SPNS3: variants seen among roughly 807,000 people sequenced by gnomAD.
SPNS3 encodes the protein protein spinster homolog 3.
SPNS3 carries 51 observed loss-of-function variants against 54.4 expected under a neutral mutation model. That is an observed-to-expected ratio of 0.94 (90% CI 0.75 to 1.18). SPNS3 has a LOEUF of 1.18. SPNS3 is among the 50% of genes most tolerant of loss of function. SPNS3 has a pLI of 0.00. For missense variants in SPNS3, 669 were observed against 677.4 expected, an observed-to-expected ratio of 0.99 and a Z score of 0.14; for synonymous variants, 309 against 294.7, an observed-to-expected ratio of 1.05 and a Z score of -0.50.
Position 4,485,784 on chromosome 17 carries a change from G to T in SPNS3, c.1180-444G>T, listed in dbSNP as rs1203750340. Reference sequence around the variant, plus strand: ...GCCGCCTTTGGTCTCTGCCCCAGGGGCCTTGAGGTTCCTGAGAGGACTGAG... The same window carrying T: ...GCCGCCTTTGGTCTCTGCCCCAGGGTCCTTGAGGTTCCTGAGAGGACTGAG... On this transcript the variant is annotated intron_variant, in intron 9 of 11. Coordinates refer to ENST00000355530, the MANE Select transcript of SPNS3 (RefSeq NM_182538.5). Among the ~76,000 whole-genome samples, 6 of 152,204 alleles carry T rather than the reference G, an allele frequency of 3.9e-5. No homozygotes were observed. The East Asian group carries it at 1.2e-3, about 29-fold the overall frequency.
At chr17:4,447,019 C>A in intron 5 of SPNS3, 57 bp downstream of exon 5, 1 of 1,599,914 alleles carries the variant, frequency 6.3e-7, no homozygotes, top group Non-Finnish European at 8.6e-7. Flanking sequence ...CAGGGACTTT[C>A]CAGCCTTGGG....
intron 1 of SPNS3, among the ~76,000 whole-genome samples, chr17:4,434,655 T>TGC (rs1970668612): frequency 6.7e-6 from 1 of 148,190 alleles, no homozygotes; most frequent in Non-Finnish European, 1.5e-5. Flanking sequence ...CACCACCACA[T>TGC]CCGGCTAATT....
At chr17:4,435,172 C>T (rs774757030) in intron 1 of SPNS3, among the ~76,000 whole-genome samples, 192 of 152,066 alleles carry the variant, frequency 1.3e-3, no homozygotes, top group Non-Finnish European at 2.3e-3. Flanking sequence ...CCTGTAATCC[C>T]AGCACTGTGG....
intron 9 of SPNS3, among the ~76,000 whole-genome samples, chr17:4,480,459 C>T (rs1410828838): frequency 2.0e-5 from 3 of 152,236 alleles, no homozygotes; most frequent in Non-Finnish European, 4.4e-5. Flanking sequence ...ATAGCTGGTT[C>T]TCTCTGAGGT....
intron 8 of SPNS3, among the ~76,000 whole-genome samples, chr17:4,473,198 C>T (rs575908278): frequency 4.7e-4 from 72 of 152,154 alleles, no homozygotes; most frequent in Middle Eastern, 3.4e-3. Context: ...AAGTCTGTGA[C>T]GCAACTTTCA....
At chr17:4,478,698 G>A in intron 9 of SPNS3, 61 bp downstream of exon 9, 1 of 1,516,638 alleles carries the variant, frequency 6.6e-7, no homozygotes, top group Non-Finnish European at 9.0e-7. Flanking sequence ...TTGGGCCTCT[G>A]CTGCTGAGCA....
At chr17:4,451,273 G>A (rs914146725) in intron 7 of SPNS3, among the ~76,000 whole-genome samples, 1 of 147,666 alleles carries the variant, frequency 6.8e-6, no homozygotes, top group African/African-American at 2.5e-5. Context: ...TTCCATTTGA[G>A]ACAGAGTCTT....
chr17:4,465,082 G>C (rs533566243), intron 8 of SPNS3, among the ~76,000 whole-genome samples: 15 of 152,358 alleles, frequency 9.8e-5, no homozygotes, highest in African/African-American at 3.6e-4. Flanking sequence ...CCAGGCTTGA[G>C]AGCAAGAGGG....
At chr17:4,484,692 C>G (rs542428846) in intron 9 of SPNS3, among the ~76,000 whole-genome samples, 4 of 152,056 alleles carry the variant, frequency 2.6e-5, no homozygotes, top group Admixed American at 2.6e-4. Flanking sequence ...GGTGTAAGCG[C>G]CCCTGTGGCT....
At position 4,453,117 on chromosome 17, in the gene SPNS3, C is replaced by T; in HGVS notation, c.1025C>T (p.Pro342Leu). 6.2e-7 allele frequency: 1 copy of T among 1,614,050 alleles called. No homozygotes were observed. Among genetic ancestry groups the T allele is most frequent in the Non-Finnish European group, 8.5e-7 (1 of 1,180,012 alleles). The change falls in exon 8 of 12, where the codon CCC becomes CTC. Residue 342 changes from proline (P) to leucine (L), a missense_variant. Pro to Leu is a moderately conservative substitution (Grantham distance 98). Transcript: ENST00000355530. Reference protein sequence around the residue: ...RYKKVIPGAEPLICASSLLAT... With the variant: ...RYKKVIPGAELLICASSLLAT... ...AAGAAAGTCATTCCAGGAGCTGAGC[C>T]CCTCATCTGCGCCTCCAGCCTGCTT...
At chr17:4,458,962 T>A (rs1971421696) in intron 8 of SPNS3, among the ~76,000 whole-genome samples, 2 of 152,102 alleles carry the variant, frequency 1.3e-5, no homozygotes, top group African/African-American at 4.8e-5. Context: ...GGAGCCTTAT[T>A]CCTCCACTGA....
intron 3 of SPNS3, 64 bp downstream of exon 3, chr17:4,445,232 C>G: frequency 1.3e-6 from 2 of 1,517,312 alleles, no homozygotes; most frequent in South Asian, 1.2e-5. Flanking sequence ...CTCCCTGATT[C>G]AGCCCCGTCA....
intron 8 of SPNS3, among the ~76,000 whole-genome samples, chr17:4,473,342 T>C (rs1420905764): frequency 6.6e-6 from 1 of 151,264 alleles, no homozygotes; most frequent in Non-Finnish European, 1.5e-5. Context: ...AGAGCCAGCA[T>C]GGCTGTCACT....
At chr17:4,439,166 C>T (rs868717140) in intron 1 of SPNS3, among the ~76,000 whole-genome samples, 8 of 151,926 alleles carry the variant, frequency 5.3e-5, no homozygotes, top group Middle Eastern at 3.4e-3. Flanking sequence ...TCTTGTTGCC[C>T]AGGCTGGAGT....
intron 8 of SPNS3, among the ~76,000 whole-genome samples, chr17:4,458,425 T>A (rs1971374417): frequency 7.3e-6 from 1 of 137,592 alleles, no homozygotes; most frequent in Non-Finnish European, 1.6e-5. Flanking sequence ...TTTTCTTCTT[T>A]CTTTCCTTCC....
Position 4,446,138 on chromosome 17 carries a change from T to C in SPNS3, c.493T>C (p.Phe165Leu), listed in dbSNP as rs1970980967. 4 of 1,613,600 alleles carry C rather than the reference T, an allele frequency of 2.5e-6. No homozygotes were observed. The highest frequency in any genetic ancestry group is 3.4e-6 in the Non-Finnish European group (4 of 1,179,714). The change falls in exon 4 of 12, where the codon TTC becomes CTC. Residue 165 changes from phenylalanine to leucine, a missense_variant. Phe to Leu is a conservative substitution (Grantham distance 22). Transcript: ENST00000355530. Reference protein sequence around the residue: ...TIAPTVLGDLFVRDQRTRVLA... With the variant: ...TIAPTVLGDLLVRDQRTRVLA... ...CGCGCCCACCGTCCTGGGCGACCTC[T>C]TCGTGAGGGACCAGCGCACCCGCGT...
chr17:4,440,803 A>C (rs1970829859), intron 2 of SPNS3, among the ~76,000 whole-genome samples: 1 of 152,140 alleles, frequency 6.6e-6, no homozygotes, highest in Non-Finnish European at 1.5e-5. Context: ...CGTGCTGGGG[A>C]GATTTGCCCC....
chr17:4,469,116 G>C (rs894092146), intron 8 of SPNS3, among the ~76,000 whole-genome samples: 2 of 151,434 alleles, frequency 1.3e-5, no homozygotes, highest in Non-Finnish European at 1.5e-5. Context: ...ACAGGTTCTT[G>C]CTCTGTCACC....
intron 1 of SPNS3, among the ~76,000 whole-genome samples, chr17:4,439,130 CT>C (rs375231787): frequency 4.0e-5 from 6 of 148,722 alleles, no homozygotes; most frequent in Admixed American, 1.3e-4. Flanking sequence ...CTTTTTCTTT[CT>C]TTTTTTTTTG....
Sources: allele counts gnomAD v4.1 joint callset (sites outside exome capture counted in the v4.1 genomes callset), GRCh38; gene constraint gnomAD v4.1.1; transcripts MANE v1.5; gene names NCBI Gene and HGNC (gene_info 2026-07-23, HGNC 2026-07-21).